CDYL2: variants seen among roughly 807,000 people sequenced by gnomAD.
CDYL2 encodes the protein chromodomain Y-like protein 2.
In CDYL2, 23 loss-of-function variants were observed where a neutral mutation model predicts 49.4. The ratio of observed to expected loss-of-function variants is 0.47; its 90% confidence interval spans 0.34 to 0.66. CDYL2 has a LOEUF of 0.66. Among genes scored for constraint, CDYL2 ranks in the 30% least tolerant of loss-of-function variants. The pLI is 0.01. For synonymous variants in CDYL2, 360 were observed against 268.8 expected, an observed-to-expected ratio of 1.34 and a Z score of -3.32; for missense variants, 678 against 656.4, an observed-to-expected ratio of 1.03 and a Z score of -0.36.
At chr16:80,624,558 G>C (rs975854610) in intron 3 of CDYL2, among the ~76,000 whole-genome samples, 2 of 152,142 alleles carry the variant, frequency 1.3e-5, no homozygotes, top group Non-Finnish European at 2.9e-5. Context: ...AAAAACCCTA[G>C]CAGGAGATGA....
In CDYL2 at chr16:80,760,442, T is replaced by C. The variant is rs11863861; in HGVS notation, c.24+43708A>G. ...TGAAAGCACAACAGGGTGACTATAGTCAATAATAACGTAATTGTACATTTT... is the reference window on the plus strand; with the variant it reads ...TGAAAGCACAACAGGGTGACTATAGCCAATAATAACGTAATTGTACATTTT... On this transcript the variant is annotated intron_variant, in intron 1 of 6. Transcript: ENST00000570137. Among the ~76,000 whole-genome samples, 308 of 152,306 alleles carry C rather than the reference T, an allele frequency of 2.0e-3. 3 individuals carry two copies. The highest frequency in any genetic ancestry group is 6.9e-3 in the African/African-American group (285 of 41,576).
rs1304079315 is a variant in CDYL2 at position 80,795,955 on chromosome 16, G to C, written c.24+8195C>G. On this transcript the variant is annotated intron_variant, in intron 1 of 6. Coordinates refer to ENST00000570137, the MANE Select transcript of CDYL2 (RefSeq NM_152342.4). The stretch of plus-strand genomic sequence containing the variant: ...TTTATAGAAGTTCAAAAGATTAAAA[G>C]CTTTGTCTAGCCATACACTATTACC... Among the ~76,000 whole-genome samples, 3 of 152,214 alleles carry C rather than the reference G, an allele frequency of 2.0e-5. No homozygotes were observed. In the East Asian group the frequency reaches 5.8e-4, roughly 29 times the overall value.
At position 80,661,198 on chromosome 16, in the gene CDYL2, A is replaced by G. The variant is rs142945992; in HGVS notation, c.616+23340T>C. ...CTGGAGGAAGGGAGGAAAAGTTTAG[A>G]CAGATCGCTGAAGGATGCTATCCCC... On this transcript the variant is annotated intron_variant, in intron 2 of 6. Transcript: ENST00000570137. Among the ~76,000 whole-genome samples the G allele has an allele frequency of 5.0e-3, 759 of 152,208 alleles. 8 individuals are homozygous for G. Among genetic ancestry groups the G allele is most frequent in the African/African-American group, 0.017 (721 of 41,516 alleles).
chr16:80,790,226 A>G (rs1321793045), intron 1 of CDYL2, among the ~76,000 whole-genome samples: 1 of 152,230 alleles, frequency 6.6e-6, no homozygotes, highest in Non-Finnish European at 1.5e-5. Flanking sequence ...ACCTAACAGG[A>G]CTTACACCAG....
At chr16:80,763,073 C>A (rs185976218) in intron 1 of CDYL2, among the ~76,000 whole-genome samples, 1 of 152,046 alleles carries the variant, frequency 6.6e-6, no homozygotes, top group Non-Finnish European at 1.5e-5. Context: ...GAGGCTGAGG[C>A]GGCAGGATCA....
At chr16:80,764,843 G>A (rs976741168) in intron 1 of CDYL2, among the ~76,000 whole-genome samples, 3 of 151,798 alleles carry the variant, frequency 2.0e-5, no homozygotes, top group African/African-American at 7.3e-5. Context: ...GGTGGATCAC[G>A]AGGTCAGGAG....
At chr16:80,635,266 C>T (rs920396785) in intron 2 of CDYL2, among the ~76,000 whole-genome samples, 1 of 152,004 alleles carries the variant, frequency 6.6e-6, no homozygotes, top group African/African-American at 2.4e-5. Flanking sequence ...AAGGGACTTC[C>T]TAGTCCAATT....
chr16:80,698,459 T>A (rs1197821788), intron 1 of CDYL2, among the ~76,000 whole-genome samples: 1 of 152,112 alleles, frequency 6.6e-6, no homozygotes, highest in African/African-American at 2.4e-5. Context: ...GAAAAGACAT[T>A]TCTCAAAAGA....
At chr16:80,751,106 C>A (rs920226489) in intron 1 of CDYL2, among the ~76,000 whole-genome samples, 7 of 152,062 alleles carry the variant, frequency 4.6e-5, no homozygotes, top group Non-Finnish European at 8.8e-5. Flanking sequence ...AGGAATCTAT[C>A]AATCTATTTT....
At chr16:80,773,569 G>C (rs973638504) in intron 1 of CDYL2, among the ~76,000 whole-genome samples, 2 of 152,072 alleles carry the variant, frequency 1.3e-5, no homozygotes, top group African/African-American at 4.8e-5. Flanking sequence ...TAGGTGATAA[G>C]GCAATTCTGA....
chr16:80,730,933 A>G (rs1205032644), intron 1 of CDYL2, among the ~76,000 whole-genome samples: 1 of 152,182 alleles, frequency 6.6e-6, no homozygotes, highest in African/African-American at 2.4e-5. Flanking sequence ...ACAGATCAGT[A>G]TGGTTAATGA....
At chr16:80,752,775 G>A (rs1410938269) in intron 1 of CDYL2, among the ~76,000 whole-genome samples, 1 of 152,156 alleles carries the variant, frequency 6.6e-6, no homozygotes, top group Non-Finnish European at 1.5e-5. Flanking sequence ...AAATACTCCC[G>A]CTGTGGCTGA....
chr16:80,756,139 C>G (rs1191157385), intron 1 of CDYL2, among the ~76,000 whole-genome samples: 1 of 151,906 alleles, frequency 6.6e-6, no homozygotes, highest in Non-Finnish European at 1.5e-5. Flanking sequence ...ACTAAACGCA[C>G]CAGTGGTCCA....
intron 1 of CDYL2, among the ~76,000 whole-genome samples, chr16:80,786,353 A>C (rs1222264702): frequency 2.6e-5 from 4 of 152,382 alleles, no homozygotes; most frequent in Non-Finnish European, 5.9e-5. Flanking sequence ...GCCAACAGAC[A>C]TATGAAAAAA....
intron 1 of CDYL2, among the ~76,000 whole-genome samples, chr16:80,721,153 GAAC>G (rs1490164484): frequency 3.9e-5 from 6 of 152,160 alleles, no homozygotes; most frequent in Non-Finnish European, 8.8e-5. Flanking sequence ...GTGCTACTAA[GAAC>G]AACCAATGAC....
rs542158479 is a variant in CDYL2, at chr16:80,618,286, C to T, written c.1007+2477G>A. Among the ~76,000 whole-genome samples the T allele has an allele frequency of 2.0e-5, 3 of 152,338 alleles. No homozygotes were observed. The East Asian group carries it at 5.8e-4, about 29-fold the overall frequency. On this transcript the variant is annotated intron_variant, in intron 4 of 6. Coordinates refer to ENST00000570137, the MANE Select transcript of CDYL2 (RefSeq NM_152342.4). ...CAGTTTGGGCCTCAGGCCCCAGCCACGTTCTCCTACAGCTGATGTTTTCAA... is the reference window on the plus strand; with the variant it reads ...CAGTTTGGGCCTCAGGCCCCAGCCATGTTCTCCTACAGCTGATGTTTTCAA...
chr16:80,624,405 T>A (rs532506492), intron 3 of CDYL2, among the ~76,000 whole-genome samples: 1 of 152,192 alleles, frequency 6.6e-6, no homozygotes, highest in Non-Finnish European at 1.5e-5. Context: ...CACACCCACA[T>A]GGGGAAGAAT....
At chr16:80,792,711 C>G (rs993690311) in intron 1 of CDYL2, among the ~76,000 whole-genome samples, 1 of 152,112 alleles carries the variant, frequency 6.6e-6, no homozygotes, top group African/African-American at 2.4e-5. Context: ...ATCACGTATC[C>G]ACCCAGGAGT....
At chr16:80,769,366 T>C (rs560070846) in intron 1 of CDYL2, among the ~76,000 whole-genome samples, 1 of 152,254 alleles carries the variant, frequency 6.6e-6, no homozygotes, top group African/African-American at 2.4e-5. Context: ...GCACTCACTA[T>C]ATGCAAGTAA....
Sources: gnomAD v4.1 joint callset for allele counts (sites outside exome capture counted in the v4.1 genomes callset) on GRCh38, gnomAD v4.1.1 for gene constraint, MANE v1.5 for transcripts, NCBI Gene and HGNC (gene_info 2026-07-23, HGNC 2026-07-21) for gene names.